PHLPP1: variants seen among roughly 807,000 people sequenced by gnomAD.
PHLPP1 encodes the protein PH domain and leucine rich repeat protein phosphatase 1.
Under a neutral mutation model 117.2 loss-of-function variants are expected in PHLPP1, and 42 were observed. The observed-to-expected ratio is 0.36, with a 90% CI of 0.28 to 0.46. The LOEUF (loss-of-function observed/expected upper bound fraction) is 0.46. PHLPP1 is among the 20% of genes least tolerant of loss of function. The pLI, the probability that PHLPP1 is intolerant of heterozygous loss-of-function variation, is 1.00. For synonymous variants in PHLPP1, 1,042 were observed against 970.7 expected (o/e 1.07, Z -1.37); for missense variants, 2,084 against 2,241.9 (o/e 0.93, Z 1.42).
intron 10 of PHLPP1, among the ~76,000 whole-genome samples, chr18:62,932,161 G>A (rs761388091): frequency 6.6e-6 from 1 of 152,100 alleles, no homozygotes; most frequent in Non-Finnish European, 1.5e-5. Flanking sequence ...CCCCGGAGCA[G>A]GTGAATTCAC....
chr18:62,877,608 G>T (rs774326037), intron 4 of PHLPP1, among the ~76,000 whole-genome samples: 11 of 152,166 alleles, frequency 7.2e-5, no homozygotes, highest in Non-Finnish European at 1.5e-4. Context: ...GGAATGTATG[G>T]AATGTCTTTT....
intron 6 of PHLPP1, among the ~76,000 whole-genome samples, chr18:62,899,061 A>G (rs1339378436): frequency 6.6e-6 from 1 of 152,070 alleles, no homozygotes; most frequent in Non-Finnish European, 1.5e-5. Context: ...CGGCCTCCCA[A>G]AGTGCTGGGA....
intron 1 of PHLPP1, among the ~76,000 whole-genome samples, chr18:62,722,392 T>C (rs1194673722): frequency 6.6e-6 from 1 of 152,206 alleles, no homozygotes; most frequent in Non-Finnish European, 1.5e-5. Context: ...CCAGAGATCC[T>C]GAAGCCGCTC....
chr18:62,885,811 A>G (rs1455249261), intron 4 of PHLPP1, among the ~76,000 whole-genome samples: 2 of 152,270 alleles, frequency 1.3e-5, no homozygotes, highest in South Asian at 4.1e-4. Context: ...AGCTTGGAAT[A>G]TTACACCTCA....
At chr18:62,942,471 C>T (rs1910157056) in intron 11 of PHLPP1, among the ~76,000 whole-genome samples, 1 of 152,150 alleles carries the variant, frequency 6.6e-6, no homozygotes, top group African/African-American at 2.4e-5. Flanking sequence ...ACTTTATATT[C>T]ATATTCATGA....
intron 1 of PHLPP1, among the ~76,000 whole-genome samples, chr18:62,805,507 G>T (rs941950666): frequency 6.6e-6 from 1 of 151,954 alleles, no homozygotes; most frequent in Non-Finnish European, 1.5e-5. Context: ...ACAAGCATGC[G>T]CCCCACACCT....
intron 10 of PHLPP1, among the ~76,000 whole-genome samples, chr18:62,928,992 G>C (rs1054868571): frequency 5.9e-5 from 9 of 152,164 alleles, no homozygotes; most frequent in African/African-American, 4.8e-5. Flanking sequence ...AGGGAGAAAT[G>C]ATGAGTGACT....
intron 14 of PHLPP1, among the ~76,000 whole-genome samples, chr18:62,967,562 C>G (rs1200219092): frequency 6.6e-6 from 1 of 151,770 alleles, no homozygotes; most frequent in Non-Finnish European, 1.5e-5. Context: ...GTGATGTTAG[C>G]TCTCGGTATT....
At chr18:62,721,604 A>T (rs1910921870) in intron 1 of PHLPP1, among the ~76,000 whole-genome samples, 2 of 152,230 alleles carry the variant, frequency 1.3e-5, no homozygotes, top group Middle Eastern at 3.4e-3. Context: ...GCTCTTGTAT[A>T]ATTTTTATAA....
intron 1 of PHLPP1, among the ~76,000 whole-genome samples, chr18:62,820,028 G>T (rs1044248102): frequency 1.3e-5 from 2 of 152,172 alleles, no homozygotes; most frequent in Non-Finnish European, 2.9e-5. Flanking sequence ...AACACTGATT[G>T]TAAGAAAAAT....
At chr18:62,755,368 A>T (rs142433230) in intron 1 of PHLPP1, among the ~76,000 whole-genome samples, 1 of 152,074 alleles carries the variant, frequency 6.6e-6, no homozygotes, top group Non-Finnish European at 1.5e-5. Flanking sequence ...AATGATTCCT[A>T]TGGAGAAAGA....
intron 3 of PHLPP1, among the ~76,000 whole-genome samples, chr18:62,853,238 G>C (rs761147354): frequency 1.3e-5 from 2 of 152,158 alleles, no homozygotes; most frequent in Non-Finnish European, 2.9e-5. Flanking sequence ...GACCACCTGA[G>C]CAGGTAGTTG....
intron 3 of PHLPP1, among the ~76,000 whole-genome samples, chr18:62,841,033 G>C (rs1156473347): frequency 6.6e-6 from 1 of 152,092 alleles, no homozygotes; most frequent in African/African-American, 2.4e-5. Context: ...GAGATTAAAG[G>C]CATGTGCACA....
intron 2 of PHLPP1, among the ~76,000 whole-genome samples, chr18:62,830,977 G>GGGTTA (rs1426553294): frequency 6.6e-6 from 1 of 152,074 alleles, no homozygotes; most frequent in African/African-American, 2.4e-5. Context: ...GTGATCAGTG[G>GGGTTA]GGTTAGCATT....
At position 62,722,441 on chromosome 18, in the gene PHLPP1, GA is replaced by G. The variant is rs1023691924; in HGVS notation, c.1576+5187del. 1.8e-4 allele frequency among the ~76,000 whole-genome samples: 28 copies of G among 152,064 alleles called. 1 individual carries two copies. The highest frequency in any genetic ancestry group is 2.9e-5 in the Non-Finnish European group (2 of 67,994). On this transcript the variant is annotated intron_variant, in intron 1 of 16. Transcript: ENST00000262719. Reference sequence around the variant, plus strand: ...TTCCTTTAAAGACGCCTGACATTTTGAAAAAGAGAAAGAGATGTTATCAAAA... The same window carrying G: ...TTCCTTTAAAGACGCCTGACATTTTGAAAAGAGAAAGAGATGTTATCAAAA...
At chr18:62,935,160 ACAACAAAGTATTT>A (rs1188928326) in intron 10 of PHLPP1, among the ~76,000 whole-genome samples, 1 of 152,248 alleles carries the variant, frequency 6.6e-6, no homozygotes, top group African/African-American at 2.4e-5. Flanking sequence ...ATGAATTCAG[ACAACAAAGTATTT>A]CAACAAAGTA....
chr18:62,898,062 G>A (rs1446560260), intron 6 of PHLPP1, among the ~76,000 whole-genome samples: 1 of 84,278 alleles, frequency 1.2e-5, no homozygotes, highest in Non-Finnish European at 3.5e-5. Context: ...TTACTTCTTG[G>A]TCAGTTCTCT....
At chr18:62,868,796 A>C (rs1457227025) in intron 4 of PHLPP1, among the ~76,000 whole-genome samples, 1 of 152,212 alleles carries the variant, frequency 6.6e-6, no homozygotes, top group Non-Finnish European at 1.5e-5. Context: ...AGACAGTATT[A>C]CTGAGCCATG....
intron 3 of PHLPP1, among the ~76,000 whole-genome samples, chr18:62,847,469 A>G (rs1915210563): frequency 6.6e-6 from 1 of 152,240 alleles, no homozygotes; most frequent in African/African-American, 2.4e-5. Flanking sequence ...TGTTATTAGT[A>G]CTTTAAAATA....
Sources: gnomAD v4.1 joint callset for allele counts (sites outside exome capture counted in the v4.1 genomes callset) on GRCh38, gnomAD v4.1.1 for gene constraint, MANE v1.5 for transcripts, NCBI Gene and HGNC (gene_info 2026-07-23, HGNC 2026-07-21) for gene names.